The following GALNTL6 variants were observed in gnomAD, a reference collection of about 807,000 sequenced individuals.
The protein encoded by GALNTL6 is polypeptide N-acetylgalactosaminyltransferase-like 6.
GALNTL6 carries 46 observed loss-of-function variants against 73.7 expected under a neutral mutation model. The observed-to-expected ratio is 0.62, with a 90% CI of 0.49 to 0.80. The LOEUF is 0.80. GALNTL6 is among the 30% of genes least tolerant of loss of function. The pLI is 0.00. For synonymous variants in GALNTL6, 259 were observed against 263.7 expected, an observed-to-expected ratio of 0.98 and a Z score of 0.17; for missense variants, 604 against 755.0, an observed-to-expected ratio of 0.80 and a Z score of 2.34.
chr4:171,855,530 C>T (rs1389136082), intron 2 of GALNTL6, among the ~76,000 whole-genome samples: 1 of 152,136 alleles, frequency 6.6e-6, no homozygotes, highest in African/African-American at 2.4e-5. Context: ...TATTGAAGGA[C>T]ATCTTGGTTA....
intron 7 of GALNTL6, among the ~76,000 whole-genome samples, chr4:172,866,608 G>A (rs1744677817): frequency 6.6e-6 from 1 of 152,068 alleles, no homozygotes; most frequent in Non-Finnish European, 1.5e-5. Context: ...CATTACACAC[G>A]GTCCCTCCGC....
At chr4:172,652,138 G>T (rs1272515839) in intron 5 of GALNTL6, among the ~76,000 whole-genome samples, 2 of 152,190 alleles carry the variant, frequency 1.3e-5, no homozygotes, top group African/African-American at 4.8e-5. Context: ...TGTTTAAGGA[G>T]CTAAGAATGG....
intron 3 of GALNTL6, among the ~76,000 whole-genome samples, chr4:172,292,629 A>G (rs1397317709): frequency 6.6e-6 from 1 of 152,134 alleles, no homozygotes; most frequent in Non-Finnish European, 1.5e-5. Context: ...CTGATAACCT[A>G]TAGTTATTAG....
At chr4:172,354,512 G>A (rs1742081787) in intron 5 of GALNTL6, among the ~76,000 whole-genome samples, 1 of 151,904 alleles carries the variant, frequency 6.6e-6, no homozygotes, top group Non-Finnish European at 1.5e-5. Context: ...GTGAATGTAA[G>A]GGAATCTGGG....
At chr4:172,869,739 T>C (rs550498316) in intron 7 of GALNTL6, among the ~76,000 whole-genome samples, 1 of 152,354 alleles carries the variant, frequency 6.6e-6, no homozygotes, top group South Asian at 2.1e-4. Context: ...ACCCTCACCC[T>C]GATTTCTCTC....
chr4:172,290,060 C>G (rs777593008), intron 3 of GALNTL6, among the ~76,000 whole-genome samples: 11 of 152,054 alleles, frequency 7.2e-5, no homozygotes, highest in Non-Finnish European at 1.3e-4. Flanking sequence ...AGTGAATTAT[C>G]CTTAATTATT....
At position 172,071,605 on chromosome 4, in the gene GALNTL6, C is replaced by T. The variant is rs771335815; in HGVS notation, c.139-158051C>T. ...TTGTTTGTTTGTTTATTTGTTTTTT[C>T]CTTATTTCTGGTCAGCCCATCAATG... On this transcript the variant is annotated intron_variant, in intron 2 of 12. Coordinates refer to ENST00000506823, the MANE Select transcript of GALNTL6 (RefSeq NM_001034845.3). 1.8e-5 allele frequency among the ~76,000 whole-genome samples: 2 copies of T among 109,598 alleles called. 1 individual carries two copies. The highest frequency in any genetic ancestry group is 4.1e-5 in the Non-Finnish European group (2 of 49,332). The allele number at this position is 109,598 out of a possible 152,430, so 71.9% of individuals were successfully genotyped here. A position where few individuals can be genotyped will look rare whatever the true frequency, so the allele number is the denominator to read the frequency against.
chr4:172,920,610 AT>A (rs1221451403), intron 8 of GALNTL6, among the ~76,000 whole-genome samples: 1 of 152,208 alleles, frequency 6.6e-6, no homozygotes, highest in Non-Finnish European at 1.5e-5. Context: ...AGAGTGCTGT[AT>A]TTTTAACATC....
At chr4:172,897,459 G>A (rs1276236682) in intron 8 of GALNTL6, among the ~76,000 whole-genome samples, 2 of 152,212 alleles carry the variant, frequency 1.3e-5, no homozygotes, top group African/African-American at 4.8e-5. Context: ...CGGATTCACT[G>A]CCTAAACTGA....
intron 7 of GALNTL6, among the ~76,000 whole-genome samples, chr4:172,835,691 C>T (rs957130440): frequency 7.2e-5 from 11 of 152,038 alleles, no homozygotes; most frequent in African/African-American, 2.2e-4. Context: ...GAATGCACTC[C>T]GATTGGTCAG....
intron 5 of GALNTL6, among the ~76,000 whole-genome samples, chr4:172,523,240 T>G (rs1240517017): frequency 2.0e-5 from 3 of 152,192 alleles, no homozygotes; most frequent in Non-Finnish European, 2.9e-5. Context: ...AGTAACATCC[T>G]TAAACCTGAG....
intron 2 of GALNTL6, among the ~76,000 whole-genome samples, chr4:171,878,022 G>T (rs185864075): frequency 6.6e-6 from 1 of 152,224 alleles, no homozygotes; most frequent in East Asian, 1.9e-4. Flanking sequence ...GTTTATAAAT[G>T]ACTTCATATG....
At chr4:171,968,138 T>C (rs1190994879) in intron 2 of GALNTL6, among the ~76,000 whole-genome samples, 1 of 152,196 alleles carries the variant, frequency 6.6e-6, no homozygotes. Context: ...CTCAAGATTC[T>C]AACCTTTCCA....
chr4:172,248,908 A>G (rs1435969649), intron 3 of GALNTL6, among the ~76,000 whole-genome samples: 2 of 152,146 alleles, frequency 1.3e-5, no homozygotes, highest in African/African-American at 4.8e-5. Flanking sequence ...AATTAAACCT[A>G]TTTCCTTTGT....
chr4:172,616,197 T>G (rs1363103300), intron 5 of GALNTL6, among the ~76,000 whole-genome samples: 1 of 152,182 alleles, frequency 6.6e-6, no homozygotes, highest in African/African-American at 2.4e-5. Flanking sequence ...AAAGTTAACA[T>G]TTCAAAAATG....
chr4:172,358,871 A>C (rs1466430445), intron 5 of GALNTL6, among the ~76,000 whole-genome samples: 3 of 151,126 alleles, frequency 2.0e-5, no homozygotes, highest in Non-Finnish European at 3.0e-5. Context: ...AAAAAAAAAA[A>C]AAAAAAAAAA....
At chr4:172,480,293 A>G (rs1227014463) in intron 5 of GALNTL6, among the ~76,000 whole-genome samples, 2 of 152,058 alleles carry the variant, frequency 1.3e-5, no homozygotes, top group East Asian at 3.9e-4. Context: ...AGCCTAGGCA[A>G]CAGGGCGAGG....
At chr4:172,298,992 G>T (rs1307412906) in intron 3 of GALNTL6, among the ~76,000 whole-genome samples, 1 of 152,070 alleles carries the variant, frequency 6.6e-6, no homozygotes, top group Non-Finnish European at 1.5e-5. Flanking sequence ...GAATCCATCT[G>T]GTCCTGGACT....
At chr4:172,146,072 C>G (rs568821976) in intron 2 of GALNTL6, among the ~76,000 whole-genome samples, 7 of 152,240 alleles carry the variant, frequency 4.6e-5, no homozygotes, top group Non-Finnish European at 1.0e-4. Context: ...ATCCCTAAAA[C>G]AAGAAGAACA....
Sources: allele counts gnomAD v4.1 joint callset (sites outside exome capture counted in the v4.1 genomes callset), GRCh38; gene constraint gnomAD v4.1.1; transcripts MANE v1.5; gene names NCBI Gene and HGNC (gene_info 2026-07-23, HGNC 2026-07-21).